Variants in NEGR1 observed in about 807,000 individuals in gnomAD.
NEGR1 encodes the protein IgLON family member 4.
Under a neutral mutation model 40.9 loss-of-function variants are expected in NEGR1, and 10 were observed. That is an observed-to-expected ratio of 0.24 (90% confidence interval 0.15 to 0.42). NEGR1 has a LOEUF of 0.42. Among genes scored for constraint, NEGR1 ranks in the 10% least tolerant of loss-of-function variants. The pLI is 1.00. For missense variants in NEGR1, 352 were observed against 438.9 expected (o/e 0.80, Z 1.77); for synonymous variants, 185 against 166.8 (o/e 1.11, Z -0.84).
At chr1:72,194,143 AC>A (rs1366298261) in intron 1 of NEGR1, among the ~76,000 whole-genome samples, 1 of 151,910 alleles carries the variant, frequency 6.6e-6, no homozygotes, top group Non-Finnish European at 1.5e-5. Context: ...AAGGATTTGA[AC>A]ACAATAAATG....
intron 1 of NEGR1, among the ~76,000 whole-genome samples, chr1:72,178,837 G>C (rs565110181): frequency 6.6e-6 from 1 of 151,848 alleles, no homozygotes; most frequent in South Asian, 2.1e-4. Context: ...CTTGTTGGCT[G>C]TGTGTATGTC....
intron 4 of NEGR1, among the ~76,000 whole-genome samples, chr1:71,666,740 C>G (rs17091642): frequency 0.015 from 2,288 of 152,188 alleles, 52 homozygotes; most frequent in African/African-American, 0.052. Context: ...TTTAACATAC[C>G]AGAAAAAGTT....
chr1:71,976,460 T>C (rs1181045871), intron 1 of NEGR1, among the ~76,000 whole-genome samples: 1 of 152,238 alleles, frequency 6.6e-6, no homozygotes, highest in African/African-American at 2.4e-5. Flanking sequence ...TTGGAATACA[T>C]TGGATTCAGA....
chr1:71,868,139 C>T (rs1172109471), intron 2 of NEGR1, among the ~76,000 whole-genome samples: 1 of 152,134 alleles, frequency 6.6e-6, no homozygotes, highest in Non-Finnish European at 1.5e-5. Context: ...CATGTCTAAT[C>T]AGCAAGAAAT....
At chr1:71,947,103 C>T (rs1346302749) in intron 1 of NEGR1, among the ~76,000 whole-genome samples, 15 of 115,904 alleles carry the variant, frequency 1.3e-4, no homozygotes, top group African/African-American at 4.4e-4. Flanking sequence ...CACACACACA[C>T]ACACACACAC....
intron 4 of NEGR1, among the ~76,000 whole-genome samples, chr1:71,670,871 G>C (rs1273633235): frequency 2.6e-5 from 4 of 151,758 alleles, no homozygotes; most frequent in African/African-American, 9.7e-5. Context: ...AATAAAAAAG[G>C]CTGCAGAATG....
intron 3 of NEGR1, among the ~76,000 whole-genome samples, chr1:71,744,944 C>T (rs1401414437): frequency 6.6e-6 from 1 of 152,118 alleles, no homozygotes; most frequent in Non-Finnish European, 1.5e-5. Context: ...AACTATACTG[C>T]ACTTATTAGA....
intron 3 of NEGR1, among the ~76,000 whole-genome samples, chr1:71,760,838 A>T (rs1371985504): frequency 6.6e-6 from 1 of 152,204 alleles, no homozygotes; most frequent in Non-Finnish European, 1.5e-5. Flanking sequence ...GTGTTGGTCC[A>T]GCTCTCAGCA....
intron 1 of NEGR1, among the ~76,000 whole-genome samples, chr1:71,945,950 C>T (rs566023342): frequency 6.6e-6 from 1 of 152,208 alleles, no homozygotes; most frequent in South Asian, 2.1e-4. Context: ...CTTCATAACT[C>T]TAGGTTATGA....
At chr1:71,697,130 C>T (rs919025265) in intron 4 of NEGR1, among the ~76,000 whole-genome samples, 1 of 151,802 alleles carries the variant, frequency 6.6e-6, no homozygotes, top group Non-Finnish European at 1.5e-5. Context: ...ATATTTGGAA[C>T]AATTTCTTCT....
intron 6 of NEGR1, among the ~76,000 whole-genome samples, chr1:71,520,869 T>C (rs6675439): frequency 0.067 from 10,162 of 152,090 alleles, 386 homozygotes; most frequent in South Asian, 0.091. Context: ...GTTACCCTGC[T>C]TTTACTTGCC....
chr1:71,561,835 T>C (rs976673078), intron 6 of NEGR1, among the ~76,000 whole-genome samples: 4 of 151,596 alleles, frequency 2.6e-5, no homozygotes, highest in Non-Finnish European at 5.9e-5. Flanking sequence ...GACACAGTAT[T>C]CTTTTTAGAT....
rs186468056 is a variant in NEGR1, at chr1:71,867,664, T to C, written c.409+67415A>G. On this transcript the variant is annotated intron_variant, in intron 2 of 6. Coordinates refer to ENST00000357731, the MANE Select transcript of NEGR1 (RefSeq NM_173808.3). ...TCCTGACCAAAATCATATACAAAATTTTAAAATTTGACCAATATCAGAAAT... is the reference window on the plus strand; with the variant it reads ...TCCTGACCAAAATCATATACAAAATCTTAAAATTTGACCAATATCAGAAAT... 5.3e-3 allele frequency among the ~76,000 whole-genome samples: 810 copies of C among 152,236 alleles called. 6 individuals are homozygous for C. The highest frequency in any genetic ancestry group is 0.019 in the African/African-American group (777 of 41,544).
intron 6 of NEGR1, among the ~76,000 whole-genome samples, chr1:71,572,549 A>G (rs147953754): frequency 5.3e-4 from 81 of 152,340 alleles, no homozygotes; most frequent in South Asian, 6.2e-4. Context: ...GGCATTTTAT[A>G]TCACTGCAAA....
chr1:72,031,603 G>C (rs1646859310), intron 1 of NEGR1, among the ~76,000 whole-genome samples: 1 of 152,130 alleles, frequency 6.6e-6, no homozygotes, highest in South Asian at 2.1e-4. Flanking sequence ...GCATCACAAA[G>C]CATTACCGAA....
intron 4 of NEGR1, among the ~76,000 whole-genome samples, chr1:71,617,613 A>G (rs1269297238): frequency 6.6e-6 from 1 of 152,200 alleles, no homozygotes; most frequent in Non-Finnish European, 1.5e-5. Flanking sequence ...CGGGTCAAAT[A>G]GGTCACTTCT....
intron 1 of NEGR1, among the ~76,000 whole-genome samples, chr1:72,058,879 T>C (rs1196664846): frequency 3.3e-5 from 5 of 151,706 alleles, no homozygotes; most frequent in African/African-American, 1.2e-4. Flanking sequence ...GGAATTAACC[T>C]CCACACTGTA....
chr1:71,682,651 T>C (rs941931056), intron 4 of NEGR1, among the ~76,000 whole-genome samples: 4 of 152,198 alleles, frequency 2.6e-5, no homozygotes, highest in African/African-American at 7.2e-5. Flanking sequence ...GACATGTGGA[T>C]ATGTGGCTAT....
chr1:72,163,324 C>T (rs973657142), intron 1 of NEGR1, among the ~76,000 whole-genome samples: 4 of 152,002 alleles, frequency 2.6e-5, no homozygotes, highest in African/African-American at 4.8e-5. Context: ...TAACCTATGA[C>T]GTGAAGTTAA....
Sources: allele counts gnomAD v4.1 joint callset (sites outside exome capture counted in the v4.1 genomes callset), GRCh38; gene constraint gnomAD v4.1.1; transcripts MANE v1.5; gene names NCBI Gene and HGNC (gene_info 2026-07-23, HGNC 2026-07-21).